TPM4: variants seen among roughly 807,000 people sequenced by gnomAD.
The protein encoded by TPM4 is tropomyosin alpha-4 chain.
Under a neutral mutation model 35.8 loss-of-function variants are expected in TPM4, and 17 were observed. That is an observed-to-expected ratio of 0.47 (90% CI 0.32 to 0.71). TPM4 has a LOEUF of 0.71. TPM4 is among the 30% of genes least tolerant of loss of function. The probability of loss-of-function intolerance (pLI) is 0.03; values close to 1 mark genes in which losing one functional copy is unlikely to be tolerated. For missense variants in TPM4, 240 were observed against 320.9 expected (o/e 0.75, Z 1.93); for synonymous variants, 120 against 122.9 (o/e 0.98, Z 0.15).
chr19:16,073,938 TAAAAAAAAAAA>T (rs71178637), upstream of TPM4, among the ~76,000 whole-genome samples: 2 of 35,634 alleles, frequency 5.6e-5, no homozygotes, highest in African/African-American at 2.3e-4. Flanking sequence ...GAAGACCATG[TAAAAAAAAAAA>T]AAAAAAAAAA....
At chr19:16,081,173 C>T (rs941343054) in intron 1 of TPM4, 41 of 397,302 alleles carry the variant, frequency 1.0e-4, no homozygotes, top group Non-Finnish European at 1.8e-4. Flanking sequence ...CACAATGAGC[C>T]GGGTCACTGA....
Position 16,086,416 on chromosome 19 carries a change from C to A in TPM4, c.267-7C>A. 6.2e-7 allele frequency: 1 copy of A among 1,611,848 alleles called. No individual in the cohort carries two copies. The highest frequency in any genetic ancestry group is 8.5e-7 in the Non-Finnish European group (1 of 1,179,356). On this transcript the variant is annotated splice_polypyrimidine_tract_variant and splice_region_variant and intron_variant, in intron 2 of 7. Transcript: ENST00000643579. ...AACGGCCGTCCTGATGAGATTGCTC[C>A]TTGCAGAGGAATGAAGGTGATAGAA... is the stretch of plus-strand genomic sequence containing the variant.
intron 2 of TPM4, among the ~76,000 whole-genome samples, chr19:16,068,848 CAT>C (rs561219978): frequency 6.6e-6 from 1 of 152,256 alleles, no homozygotes; most frequent in East Asian, 1.9e-4. Flanking sequence ...TGTACATGCA[CAT>C]ATGTTTCAGC....
rs201284018 is a variant in TPM4, at chr19:16,068,181, T to C, written c.114+443T>C. Among the ~76,000 whole-genome samples, 584 of 151,724 alleles carry C rather than the reference T, an allele frequency of 3.8e-3. 11 individuals are homozygous for C. Among genetic ancestry groups the C allele is most frequent in the Admixed American group, 0.027 (407 of 15,228 alleles). ...GTGTGCATGTGTGCGTGTGTGTGTGTGTGTGTGTGTGTTTGAGACAGAGTC... is the reference window on the plus strand; with the variant it reads ...GTGTGCATGTGTGCGTGTGTGTGTGCGTGTGTGTGTGTTTGAGACAGAGTC... On this transcript the variant is annotated intron_variant, in intron 2 of 2. Coordinates refer to the TPM4 transcript ENST00000589897.
At chr19:16,088,546 C>G in intron 4 of TPM4, 1 of 1,042,958 alleles carries the variant, frequency 9.6e-7, no homozygotes, top group Non-Finnish European at 1.2e-6. Flanking sequence ...CACAAGCAAG[C>G]ACCGAAAAAC....
upstream of TPM4, chr19:16,076,052 G>C: frequency 1.2e-6 from 2 of 1,608,590 alleles, no homozygotes; most frequent in Non-Finnish European, 1.7e-6. Flanking sequence ...CCCAGGTGGA[G>C]GAGGAGCTGA....
chr19:16,084,076 G>A (rs8110299), intron 2 of TPM4, among the ~76,000 whole-genome samples: 2,805 of 152,170 alleles, frequency 0.018, 89 homozygotes, highest in African/African-American at 0.063. Flanking sequence ...ACAGGCACCC[G>A]CCACCACACC....
intron 2 of TPM4, among the ~76,000 whole-genome samples, chr19:16,083,536 C>T (rs1255177298): frequency 6.6e-6 from 1 of 152,152 alleles, no homozygotes; most frequent in Admixed American, 6.5e-5. Context: ...GTAGCCAGAT[C>T]ATTCTCTGGC....
upstream of TPM4, among the ~76,000 whole-genome samples, chr19:16,071,882 C>T (rs902131657): frequency 6.6e-6 from 1 of 152,204 alleles, no homozygotes; most frequent in Non-Finnish European, 1.5e-5. Flanking sequence ...CTGCCTCAGC[C>T]CTGCCCCAAG....
chr19:16,067,898 T>C lies in TPM4; in HGVS notation c.114+160T>C. 2 of 636,370 alleles carry C rather than the reference T, an allele frequency of 3.1e-6. No homozygotes were observed. The highest frequency in any genetic ancestry group is 2.1e-5 in the South Asian group (1 of 46,542). 39.4% of individuals were successfully genotyped at this position (636,370 alleles called of 1,614,324 possible). A position where few individuals can be genotyped will look rare whatever the true frequency, so the allele number is the denominator to read the frequency against. On this transcript the variant is annotated intron_variant, in intron 2 of 2. Transcript: ENST00000589897. The surrounding 1 kb of genome is among the most constrained non-coding windows in gnomAD (Gnocchi z 4.1). ...CGAGGGGACCATTGCCTTCCTTGGATGGGGTCCTGGGCTGGAAGAGGGGTG... is the reference window on the plus strand; with the variant it reads ...CGAGGGGACCATTGCCTTCCTTGGACGGGGTCCTGGGCTGGAAGAGGGGTG...
chr19:16,076,658 G>A lies in TPM4; in HGVS notation c.93G>A (p.Leu31=). Residue 31 remains leucine, a synonymous_variant, in exon 1 of 8, where the codon CTG becomes CTA. Coordinates refer to ENST00000643579, the MANE Select transcript of TPM4 (RefSeq NM_003290.3). ...ADEAEDRAQG[L]QRELDGERER... Reference sequence around the variant, plus strand: ...AGGCGGAAGACCGCGCGCAGGGCCTGCAGCGGGAGCTGGACGGCGAGCGCG... The same window carrying A: ...AGGCGGAAGACCGCGCGCAGGGCCTACAGCGGGAGCTGGACGGCGAGCGCG... The A allele has an allele frequency of 7.0e-7, 1 of 1,426,786 alleles. No individual in the cohort carries two copies. The highest frequency in any genetic ancestry group is 9.1e-7 in the Non-Finnish European group (1 of 1,094,048). 88.4% of individuals were successfully genotyped at this position (1,426,786 alleles called of 1,614,324 possible).
upstream of TPM4, chr19:16,076,466 G>A (rs2090406973): frequency 1.5e-6 from 2 of 1,337,542 alleles, no homozygotes; most frequent in Non-Finnish European, 1.9e-6. Flanking sequence ...CCCCGCGCAG[G>A]CAAAGGCTTG....
Position 16,102,393 on chromosome 19 carries a change from A to G in TPM4, c.*1047A>G, listed in dbSNP as rs1436502691. On this transcript the variant is annotated 3_prime_UTR_variant, in exon 8 of 8. Transcript: ENST00000643579. ...GAAGAGCAAATGTCTCATTCCAGTA[A>G]TGACCCACTCAGCAGGAATATGGTG... The G allele has an allele frequency of 4.6e-6, 1 of 217,454 alleles. No homozygotes were observed. Among genetic ancestry groups the G allele is most frequent in the African/African-American group, 2.2e-5 (1 of 44,462 alleles). The allele number at this position is 217,454 out of a possible 1,614,324, so 13.5% of individuals were successfully genotyped here.
chr19:16,086,363 A>G (rs977172962), intron 2 of TPM4, 60 bp from the exon 3 acceptor site: 1 of 1,427,816 alleles, frequency 7.0e-7, no homozygotes. Context: ...GAAAAGATAG[A>G]TGAGAGGTGG....
intron 7 of TPM4, 30 bp from the exon 8 acceptor site, chr19:16,101,234 A>G: frequency 8.6e-6 from 13 of 1,510,686 alleles, no homozygotes; most frequent in Non-Finnish European, 1.2e-5. Flanking sequence ...TTATTAATTT[A>G]TCTTTCCCCA....
At chr19:16,076,176 C>T (rs1024545177), upstream of TPM4, 5 of 1,555,724 alleles carry the variant, frequency 3.2e-6, no homozygotes, top group African/African-American at 1.4e-5. Flanking sequence ...CTCCGACGTA[C>T]GTGTGCAGGG....
At chr19:16,083,995 C>T (rs2090518374) in intron 2 of TPM4, among the ~76,000 whole-genome samples, 1 of 152,064 alleles carries the variant, frequency 6.6e-6, no homozygotes, top group Non-Finnish European at 1.5e-5. Context: ...GGCGTGATCT[C>T]AGCTCACTAC....
chr19:16,069,203 G>C (rs1363285403), intron 2 of TPM4, among the ~76,000 whole-genome samples: 1 of 152,082 alleles, frequency 6.6e-6, no homozygotes, highest in Non-Finnish European at 1.5e-5. Context: ...TGGTGACTGT[G>C]CTTCTGTTGG....
At chr19:16,086,133 T>C (rs1371998639) in intron 2 of TPM4, among the ~76,000 whole-genome samples, 1 of 151,090 alleles carries the variant, frequency 6.6e-6, no homozygotes, top group East Asian at 1.9e-4. Flanking sequence ...TGCAGTGTGT[T>C]ACAGTGCTCA....
Sources: allele counts gnomAD v4.1 joint callset (sites outside exome capture counted in the v4.1 genomes callset), GRCh38; gene constraint gnomAD v4.1.1; non-coding constraint Gnocchi (gnomAD v3.1); transcripts MANE v1.5; gene names NCBI Gene and HGNC (gene_info 2026-07-23, HGNC 2026-07-21).